The following LSAMP variants were observed in gnomAD, a reference collection of about 807,000 sequenced individuals.
LSAMP encodes the protein limbic system-associated membrane protein.
A neutral mutation model predicts 38.6 loss-of-function variants in LSAMP; 7 were observed. The ratio of observed to expected loss-of-function variants is 0.18; its 90% CI spans 0.10 to 0.34. The LOEUF (loss-of-function observed/expected upper bound fraction) is 0.34. Ranked by LOEUF, LSAMP falls within the 10% of genes least tolerant of loss-of-function variation. The pLI, the probability that LSAMP is intolerant of heterozygous loss-of-function variation, is 1.00. For synonymous variants in LSAMP, 154 were observed against 166.8 expected (o/e 0.92, Z 0.59); for missense variants, 313 against 420.0 (o/e 0.75, Z 2.23).
intron 1 of LSAMP, among the ~76,000 whole-genome samples, chr3:116,428,844 G>A (rs142239786): frequency 6.6e-6 from 1 of 152,282 alleles, no homozygotes; most frequent in Admixed American, 6.5e-5. Context: ...ATCCATAGAT[G>A]TTTCCACTGG....
At chr3:116,366,125 C>A (rs988452149) in intron 1 of LSAMP, among the ~76,000 whole-genome samples, 2 of 149,208 alleles carry the variant, frequency 1.3e-5, no homozygotes, top group African/African-American at 4.9e-5. Flanking sequence ...CTATCCATCT[C>A]ACAAAAGTCT....
At chr3:115,861,147 TTCCTTCCTTCCTTCCTTCCTTCC>T (rs1935677504) in intron 3 of LSAMP, among the ~76,000 whole-genome samples, 1 of 32,320 alleles carries the variant, frequency 3.1e-5, no homozygotes, top group Non-Finnish European at 5.3e-5. Flanking sequence ...CCTTCCTTCC[TTCCTTCCTTCCTTCCTTCCTTCC>T]TTCCTTCCTT....
At chr3:116,406,583 T>C (rs1012392119) in intron 1 of LSAMP, among the ~76,000 whole-genome samples, 1 of 152,126 alleles carries the variant, frequency 6.6e-6, no homozygotes, top group African/African-American at 2.4e-5. Context: ...CTCACAATTT[T>C]TCTTTGCATC....
intron 2 of LSAMP, among the ~76,000 whole-genome samples, chr3:116,079,441 G>A (rs935739821): frequency 1.3e-5 from 2 of 152,056 alleles, no homozygotes; most frequent in Non-Finnish European, 2.9e-5. Context: ...GGCAGATCAC[G>A]AGGTCAGTAG....
chr3:116,383,370 A>G (rs1269201065), intron 1 of LSAMP, among the ~76,000 whole-genome samples: 2 of 152,118 alleles, frequency 1.3e-5, no homozygotes, highest in African/African-American at 4.8e-5. Context: ...GGTGATGAAT[A>G]AACTTGAAGG....
intron 3 of LSAMP, among the ~76,000 whole-genome samples, chr3:115,923,883 G>A (rs1179326607): frequency 1.3e-5 from 2 of 152,032 alleles, no homozygotes; most frequent in African/African-American, 2.4e-5. Flanking sequence ...ATATAACATT[G>A]TATTATAATA....
rs376029386 is a variant in LSAMP at position 115,822,770 on chromosome 3, G to A, written c.920-12356C>T. Among the ~76,000 whole-genome samples, 5 of 152,298 alleles carry A rather than the reference G, an allele frequency of 3.3e-5. No individual in the cohort carries two copies. In the South Asian group the frequency reaches 6.2e-4, roughly 19 times the overall value. The stretch of plus-strand genomic sequence containing the variant: ...AGCATGTCATCAATATTTGAGAAAG[G>A]AAGTTGGCCTCCCTTAGCTAGATTT... On this transcript the variant is annotated intron_variant, in intron 6 of 6. Transcript: ENST00000490035.
intron 1 of LSAMP, among the ~76,000 whole-genome samples, chr3:116,363,851 G>T: frequency 7.1e-6 from 1 of 141,168 alleles, no homozygotes; most frequent in East Asian, 2.1e-4. Flanking sequence ...AGGTATTGAT[G>T]GGACGTATTT....
At chr3:115,821,857 A>G (rs568329972) in intron 6 of LSAMP, among the ~76,000 whole-genome samples, 1 of 152,326 alleles carries the variant, frequency 6.6e-6, no homozygotes, top group African/African-American at 2.4e-5. Context: ...CTGAGGCATA[A>G]CATTTGTAAG....
rs764987947 is a variant in LSAMP at position 116,050,097 on chromosome 3, GA to G, written c.389-30458del. Among the ~76,000 whole-genome samples the G allele has an allele frequency of 6.6e-5, 10 of 152,212 alleles. 1 individual carries two copies. The East Asian group carries it at 1.5e-3, about 24-fold the overall frequency. ...CTTCCAATTGGGATCAATCAGTGAG[GA>G]ATATTAATAAAAGATCTGAAAGGGT... On this transcript the variant is annotated intron_variant, in intron 2 of 6. Coordinates refer to ENST00000490035, the MANE Select transcript of LSAMP (RefSeq NM_002338.5).
intron 1 of LSAMP, among the ~76,000 whole-genome samples, chr3:116,393,244 C>A (rs758883345): frequency 6.6e-6 from 1 of 152,170 alleles, no homozygotes; most frequent in Non-Finnish European, 1.5e-5. Flanking sequence ...GACCTAGGAA[C>A]TCCCCAAGCC....
chr3:115,922,227 G>A (rs547493396), intron 3 of LSAMP, among the ~76,000 whole-genome samples: 1 of 151,938 alleles, frequency 6.6e-6, no homozygotes. Context: ...GCTTGATGAA[G>A]TCCCATAAGT....
At chr3:116,227,201 T>C (rs141653884) in intron 1 of LSAMP, among the ~76,000 whole-genome samples, 3 of 152,214 alleles carry the variant, frequency 2.0e-5, no homozygotes, top group African/African-American at 7.2e-5. Flanking sequence ...AAACTACACC[T>C]ACATAGCTTC....
intron 1 of LSAMP, among the ~76,000 whole-genome samples, chr3:116,379,359 C>T (rs1215133971): frequency 6.6e-6 from 1 of 151,974 alleles, no homozygotes. Flanking sequence ...AATCACGACT[C>T]TTAGAGATCC....
intron 1 of LSAMP, among the ~76,000 whole-genome samples, chr3:116,212,568 A>C (rs77801725): frequency 1.3e-5 from 2 of 150,310 alleles, no homozygotes; most frequent in African/African-American, 2.4e-5. Flanking sequence ...AAAAAAAAAA[A>C]CTACAGAAGT....
chr3:116,111,623 C>T (rs1404649762), intron 1 of LSAMP, among the ~76,000 whole-genome samples: 1 of 151,888 alleles, frequency 6.6e-6, no homozygotes, highest in Non-Finnish European at 1.5e-5. Flanking sequence ...CTTTCTTCTC[C>T]CCCTTTTAAC....
intron 1 of LSAMP, among the ~76,000 whole-genome samples, chr3:116,168,657 G>A (rs983203439): frequency 2.6e-5 from 4 of 152,142 alleles, no homozygotes; most frequent in Non-Finnish European, 5.9e-5. Context: ...TTGCTCCCAT[G>A]GTGTGAGGTG....
chr3:116,035,863 A>T (rs1941033826), intron 2 of LSAMP, among the ~76,000 whole-genome samples: 1 of 152,234 alleles, frequency 6.6e-6, no homozygotes, highest in Admixed American at 6.5e-5. Context: ...GCTTCTCGAC[A>T]TTCTCCAACC....
intron 2 of LSAMP, among the ~76,000 whole-genome samples, chr3:116,041,694 T>C (rs1394073334): frequency 4.0e-5 from 6 of 150,598 alleles, no homozygotes; most frequent in African/African-American, 1.5e-4. Context: ...CTCAGTCCTC[T>C]CAATATATAC....
Sources: allele counts gnomAD v4.1 joint callset (sites outside exome capture counted in the v4.1 genomes callset), GRCh38; gene constraint gnomAD v4.1.1; transcripts MANE v1.5; gene names NCBI Gene and HGNC (gene_info 2026-07-23, HGNC 2026-07-21).